Variants in TMEM33 observed in about 807,000 individuals in gnomAD.
TMEM33 encodes transmembrane protein 33.
Under a neutral mutation model 29.7 loss-of-function variants are expected in TMEM33, and 16 were observed. That is an observed-to-expected ratio of 0.54 (90% CI 0.36 to 0.82). The LOEUF (loss-of-function observed/expected upper bound fraction) is 0.82. Among genes scored for constraint, TMEM33 ranks in the 40% least tolerant of loss-of-function variants. The probability of loss-of-function intolerance (pLI) is 0.00; values close to 1 mark genes in which losing one functional copy is unlikely to be tolerated. For synonymous variants in TMEM33, 112 were observed against 109.4 expected (o/e 1.02, Z -0.15); for missense variants, 252 against 295.3 (o/e 0.85, Z 1.08).
At chr4:41,939,435 G>A in intron 3 of TMEM33, 52 bp downstream of exon 3, 1 of 1,576,142 alleles carries the variant, frequency 6.3e-7, no homozygotes, top group Non-Finnish European at 8.6e-7. Flanking sequence ...GCATATAGGA[G>A]ATCTCTTCTG....
rs1298475102 is a variant in TMEM33, at chr4:41,938,509, A to G, written c.46-93A>G. On this transcript the variant is annotated intron_variant, in intron 1 of 6. Transcript: ENST00000504986. ...AAAAAAACAAATGGAGGAAGATTAA[A>G]ATATTTTGAGTAGACATAAAAACCA... 3.4e-6 allele frequency: 4 copies of G among 1,182,114 alleles called. No individual in the cohort carries two copies. In the East Asian group the frequency reaches 9.4e-5, roughly 28 times the overall value. The allele number at this position is 1,182,114 out of a possible 1,614,324, so 73.2% of individuals were successfully genotyped here.
intron 3 of TMEM33, among the ~76,000 whole-genome samples, chr4:41,942,930 GT>G (rs1405572114): frequency 5.3e-5 from 8 of 152,176 alleles, no homozygotes; most frequent in Non-Finnish European, 1.2e-4. Flanking sequence ...AAATAATGGA[GT>G]CCTTGTAGGA....
chr4:41,958,700 C>CTTTTTTTTTTTTTTTTTTTTT lies in TMEM33; in HGVS notation c.*4507_*4527dup, dbSNP rs750862386. 1.3e-4 allele frequency: 12 copies of CTTTTTTTTTTTTTTTTTTTTT among 93,790 alleles called. No homozygotes were observed. The highest frequency in any genetic ancestry group is 2.4e-4 in the African/African-American group (5 of 20,832). The allele number at this position is 93,790 out of a possible 1,614,324, so 5.8% of individuals were successfully genotyped here. A position where few individuals can be genotyped will look rare whatever the true frequency, so the allele number is the denominator to read the frequency against. On this transcript the variant is annotated 3_prime_UTR_variant, in exon 7 of 7. Coordinates refer to ENST00000504986, the MANE Select transcript of TMEM33 (RefSeq NM_018126.3). The stretch of plus-strand genomic sequence containing the variant: ...GTAGAGACAACTAGTTTCTCTCGCT[C>CTTTTTTTTTTTTTTTTTTTTT]TTTTTTTTTTTTTTTTTTTTTTTTT...
At chr4:41,940,807 CAAAAAAAAAAAAAA>C (rs11390153) in intron 3 of TMEM33, among the ~76,000 whole-genome samples, 1 of 53,274 alleles carries the variant, frequency 1.9e-5, no homozygotes, top group Non-Finnish European at 3.9e-5. Context: ...GACTCCTTCT[CAAAAAAAAAAAAAA>C]AAAAAAAAAG....
Position 41,943,782 on chromosome 4 carries a change from C to A in TMEM33, c.364C>A (p.His122Asn). The A allele has an allele frequency of 6.2e-7, 1 of 1,613,878 alleles. No homozygotes were observed. Among genetic ancestry groups the A allele is most frequent in the Non-Finnish European group, 8.5e-7 (1 of 1,179,914 alleles). Reference protein sequence around the residue: ...IFPVLLFSLLHAATYTKKVLD... With the variant: ...IFPVLLFSLLNAATYTKKVLD... ...CCCAGTCTTGTTATTCTCTTTGCTTCATGCTGCCACATATACGAAAAAGGT... is the reference window on the plus strand; with the variant it reads ...CCCAGTCTTGTTATTCTCTTTGCTTAATGCTGCCACATATACGAAAAAGGT... The change falls in exon 4 of 7, where the codon CAT (histidine) becomes AAT (asparagine). Residue 122 changes from histidine to asparagine, a missense_variant. By Grantham distance (68) the His-to-Asn change is moderately conservative (BLOSUM62 1). Coordinates refer to ENST00000504986, the MANE Select transcript of TMEM33 (RefSeq NM_018126.3).
At position 41,952,072 on chromosome 4, in the gene TMEM33, G is replaced by A. The variant is rs1275981160; in HGVS notation, c.615-1998G>A. Among the ~76,000 whole-genome samples, 3 of 152,278 alleles carry A rather than the reference G, an allele frequency of 2.0e-5. No homozygotes were observed. In the South Asian group the frequency reaches 6.2e-4, roughly 32 times the overall value. On this transcript the variant is annotated intron_variant, in intron 6 of 6. Coordinates refer to ENST00000504986, the MANE Select transcript of TMEM33 (RefSeq NM_018126.3). ...AGACTATTAGAGTAGTCTAGAGCCT[G>A]AATTAATCCAGTGGTAAAAGGAAAA...
chr4:41,940,537 A>G (rs1712487483), intron 3 of TMEM33, among the ~76,000 whole-genome samples: 1 of 152,100 alleles, frequency 6.6e-6, no homozygotes. Flanking sequence ...AATTTAGGCC[A>G]GGCGCGGTGG....
rs1713158170 is a variant in TMEM33, at chr4:41,954,095, G to A, written c.640G>A (p.Val214Ile). 1 of 1,613,770 alleles carries A rather than the reference G, an allele frequency of 6.2e-7. No homozygotes were observed. Among genetic ancestry groups the A allele is most frequent in the Admixed American group, 1.7e-5 (1 of 59,998 alleles). Residue 214 changes from valine (V) to isoleucine (I), a missense_variant, in exon 7 of 7, where the codon GTT becomes ATT. Physicochemically the swap from Val to Ile is conservative, Grantham distance 29 (BLOSUM62 3). Coordinates refer to ENST00000504986, the MANE Select transcript of TMEM33 (RefSeq NM_018126.3). ...CRTLFNELRI[V>I]VEHIIMKPAC... Reference sequence around the variant, plus strand: ...GACCTTATTTAATGAACTGAGGATTGTTGTTGAACACATAATAATGAAACC... The same window carrying A: ...GACCTTATTTAATGAACTGAGGATTATTGTTGAACACATAATAATGAAACC...
rs925442503 is a variant in TMEM33, at chr4:41,955,599, T to A, written c.*1400T>A. On this transcript the variant is annotated 3_prime_UTR_variant, in exon 7 of 7. Coordinates refer to ENST00000504986, the MANE Select transcript of TMEM33 (RefSeq NM_018126.3). ...CCTTATCTATAAAAAGGGGATATTC[T>A]TAGGATAAATACATGAAAAATTATA... The A allele has an allele frequency of 1.4e-4, 21 of 152,786 alleles. No individual in the cohort carries two copies. The highest frequency in any genetic ancestry group is 5.0e-4 in the African/African-American group (21 of 41,592). 9.5% of individuals were successfully genotyped at this position (152,786 alleles called of 1,614,324 possible).
chr4:41,937,899 A>T (rs1236519800), intron 1 of TMEM33, among the ~76,000 whole-genome samples: 1 of 152,182 alleles, frequency 6.6e-6, no homozygotes, highest in Non-Finnish European at 1.5e-5. Context: ...ATCTAGGACC[A>T]CCGAAACTAG....
At chr4:41,937,301 G>A (rs751111888) in intron 1 of TMEM33, among the ~76,000 whole-genome samples, 4 of 152,098 alleles carry the variant, frequency 2.6e-5, no homozygotes, top group Non-Finnish European at 5.9e-5. Context: ...ACAGTAAGCT[G>A]GATTCATCCT....
chr4:41,940,194 T>A (rs575912399), intron 3 of TMEM33, among the ~76,000 whole-genome samples: 3 of 152,070 alleles, frequency 2.0e-5, no homozygotes, highest in Non-Finnish European at 4.4e-5. Flanking sequence ...TTTACTATAG[T>A]GGCTTTGGTA....
intron 5 of TMEM33, 105 bp downstream of exon 5, chr4:41,945,031 TGTAGA>T (rs1712722472): frequency 7.1e-7 from 1 of 1,405,762 alleles, no homozygotes; most frequent in African/African-American, 1.4e-5. Flanking sequence ...GGTATTGACA[TGTAGA>T]GCTAAATGAA....
intron 1 of TMEM33, 126 bp downstream of exon 1, chr4:41,935,655 G>A (rs894703751): frequency 1.0e-6 from 1 of 999,468 alleles, no homozygotes; most frequent in Non-Finnish European, 1.5e-6. Flanking sequence ...AGTTGGGGTG[G>A]GGAAGTTGGA....
rs576658732 is a variant in TMEM33 at position 41,956,892 on chromosome 4, C to T, written c.*2693C>T. 5.3e-5 allele frequency: 8 copies of T among 152,008 alleles called. No homozygotes were observed. The highest frequency in any genetic ancestry group is 3.4e-3 in the Middle Eastern group (1 of 292). 9.4% of individuals were successfully genotyped at this position (152,008 alleles called of 1,614,324 possible). ...ATTCTGCAATAGGAATATCTACAAC[C>T]GGCTGATTTGGAATTTGAAATTATA... On this transcript the variant is annotated 3_prime_UTR_variant, in exon 7 of 7. Coordinates refer to ENST00000504986, the MANE Select transcript of TMEM33 (RefSeq NM_018126.3).
chr4:41,955,700 T>G lies in TMEM33; in HGVS notation c.*1501T>G, dbSNP rs907902616. Reference sequence around the variant, plus strand: ...CCACTAAGCTGGAGAAGCAGCCTCATACAGTTGATTTTGTGTATGTGGCTA... The same window carrying G: ...CCACTAAGCTGGAGAAGCAGCCTCAGACAGTTGATTTTGTGTATGTGGCTA... On this transcript the variant is annotated 3_prime_UTR_variant, in exon 7 of 7. Transcript: ENST00000504986. The G allele has an allele frequency of 5.2e-5, 8 of 152,652 alleles. No homozygotes were observed. Among genetic ancestry groups the G allele is most frequent in the African/African-American group, 1.7e-4 (7 of 41,454 alleles). 9.5% of individuals were successfully genotyped at this position (152,652 alleles called of 1,614,324 possible). A position where few individuals can be genotyped will look rare whatever the true frequency, so the allele number is the denominator to read the frequency against.
At chr4:41,944,021 C>T (rs934962349) in intron 4 of TMEM33, 22 of 497,076 alleles carry the variant, frequency 4.4e-5, no homozygotes, top group African/African-American at 2.0e-4. Context: ...TAAAGGATTG[C>T]ACTTAAAATC....
At position 41,958,324 on chromosome 4, in the gene TMEM33, T is replaced by C. The variant is rs16853815; in HGVS notation, c.*4125T>C. The stretch of plus-strand genomic sequence containing the variant: ...TGCCTGGCTTGCATTTTTAAAATAC[T>C]GAATTATTCAAAAGAAGTACCCTGT... On this transcript the variant is annotated 3_prime_UTR_variant, in exon 7 of 7. Transcript: ENST00000504986. 0.15 allele frequency: 23,377 copies of C among 152,196 alleles called. 2,313 individuals carry two copies. The highest frequency in any genetic ancestry group is 0.28 in the African/African-American group (11,505 of 41,472). 9.4% of individuals were successfully genotyped at this position (152,196 alleles called of 1,614,324 possible). A position where few individuals can be genotyped will look rare whatever the true frequency, so the allele number is the denominator to read the frequency against.
intron 5 of TMEM33, among the ~76,000 whole-genome samples, chr4:41,945,738 A>G (rs760864037): frequency 1.3e-5 from 2 of 152,276 alleles, no homozygotes; most frequent in East Asian, 3.9e-4. Flanking sequence ...TGGGAGGCCA[A>G]AGTGGGCAGA....
Sources: gnomAD v4.1 joint callset for allele counts (sites outside exome capture counted in the v4.1 genomes callset) on GRCh38, gnomAD v4.1.1 for gene constraint, MANE v1.5 for transcripts, NCBI Gene and HGNC (gene_info 2026-07-23, HGNC 2026-07-21) for gene names.